FOXN3: variants seen among roughly 807,000 people sequenced by gnomAD.
FOXN3 encodes forkhead box protein N3.
In FOXN3, 7 loss-of-function variants were observed where a neutral mutation model predicts 38.4. That is an observed-to-expected ratio of 0.18 (90% CI 0.10 to 0.34). FOXN3 has a LOEUF of 0.34. Ranked by LOEUF, FOXN3 falls within the 10% of genes least tolerant of loss-of-function variation. The probability of loss-of-function intolerance (pLI) is 1.00; values close to 1 mark genes in which losing one functional copy is unlikely to be tolerated. For synonymous variants in FOXN3, 230 were observed against 242.2 expected (o/e 0.95, Z 0.47); for missense variants, 456 against 613.4 (o/e 0.74, Z 2.71).
chr14:89,525,445 C>T (rs564531542), intron 1 of FOXN3, among the ~76,000 whole-genome samples: 14 of 152,258 alleles, frequency 9.2e-5, no homozygotes, highest in African/African-American at 2.4e-4. Context: ...CTAGAAAGGA[C>T]AGGAACCCTC....
intron 3 of FOXN3, among the ~76,000 whole-genome samples, chr14:89,323,356 G>T (rs953532756): frequency 6.6e-6 from 1 of 151,902 alleles, no homozygotes; most frequent in Non-Finnish European, 1.5e-5. Flanking sequence ...ATTTTGAAGG[G>T]GTGGTTAGGG....
At chr14:89,569,838 C>G (rs1596320786) in intron 1 of FOXN3, among the ~76,000 whole-genome samples, 2 of 152,178 alleles carry the variant, frequency 1.3e-5, no homozygotes, top group Middle Eastern at 6.8e-3. Context: ...TTGGCCATCA[C>G]CCTGACTCCT....
rs1325423061 is a variant in FOXN3, at chr14:89,275,494, CCA to C, written c.745+5454_745+5455del. ...GGCTTGTCCAAGGTCACAAAGTTTACCAAGTGAAGGGTTGAGACCAGAACCCA... is the reference window on the plus strand; with the variant it reads ...GGCTTGTCCAAGGTCACAAAGTTTACAGTGAAGGGTTGAGACCAGAACCCA... On this transcript the variant is annotated intron_variant, in intron 4 of 5. Coordinates refer to ENST00000557258, the MANE Select transcript of FOXN3 (RefSeq NM_005197.4). Among the ~76,000 whole-genome samples, 3 of 152,268 alleles carry C rather than the reference CCA, an allele frequency of 2.0e-5. No individual in the cohort carries two copies. In the East Asian group the frequency reaches 5.8e-4, roughly 29 times the overall value.
chr14:89,278,955 G>C (rs752730453), intron 4 of FOXN3, among the ~76,000 whole-genome samples: 6 of 151,918 alleles, frequency 3.9e-5, no homozygotes, highest in Non-Finnish European at 5.9e-5. Context: ...TTGCTTGTGG[G>C]CCTTAGCAAC....
intron 1 of FOXN3, among the ~76,000 whole-genome samples, chr14:89,564,864 G>A (rs1037118838): frequency 3.9e-5 from 6 of 151,958 alleles, no homozygotes; most frequent in African/African-American, 9.7e-5. Flanking sequence ...AGGCCTTGAC[G>A]GGTGGATCAC....
intron 2 of FOXN3, among the ~76,000 whole-genome samples, chr14:89,371,958 C>G (rs1005274867): frequency 1.3e-5 from 2 of 152,154 alleles, no homozygotes; most frequent in Non-Finnish European, 2.9e-5. Flanking sequence ...CATCCTCATC[C>G]TGGGGGAGTG....
chr14:89,281,199 C>T (rs1247977066), intron 3 of FOXN3, among the ~76,000 whole-genome samples, 185 bp from the exon 4 acceptor site: 1 of 152,134 alleles, frequency 6.6e-6, no homozygotes, highest in Non-Finnish European at 1.5e-5. Flanking sequence ...CAGTGCAGAA[C>T]CTATCTGTGT....
At chr14:89,288,718 CTCTCTCTATATATATATATATATATA>C (rs1566947676) in intron 3 of FOXN3, among the ~76,000 whole-genome samples, 556 of 43,698 alleles carry the variant, frequency 0.013, 2 homozygotes, top group Non-Finnish European at 0.018. Context: ...CTCTCTCTCT[CTCTCTCTATATATATATATATATATA>C]TATATATATA....
intron 3 of FOXN3, among the ~76,000 whole-genome samples, chr14:89,281,917 T>C (rs755854339): frequency 1.8e-4 from 27 of 152,204 alleles, no homozygotes; most frequent in Admixed American, 5.9e-4. Context: ...ATCAATCACC[T>C]TCAATATGAG....
intron 3 of FOXN3, among the ~76,000 whole-genome samples, chr14:89,320,829 T>C (rs1596181345): frequency 6.6e-6 from 1 of 152,128 alleles, no homozygotes; most frequent in Non-Finnish European, 1.5e-5. Context: ...AAAAAAGCCT[T>C]AAAGTATTAA....
intron 1 of FOXN3, among the ~76,000 whole-genome samples, chr14:89,508,610 G>A (rs1379172765): frequency 6.6e-6 from 1 of 152,180 alleles, no homozygotes; most frequent in Non-Finnish European, 1.5e-5. Flanking sequence ...AGAAAACTGA[G>A]GCCAGCAGGC....
intron 3 of FOXN3, among the ~76,000 whole-genome samples, chr14:89,294,572 C>T (rs1033010806): frequency 4.6e-5 from 7 of 152,202 alleles, no homozygotes; most frequent in East Asian, 1.9e-4. Context: ...GACAGGAGGT[C>T]GGCACAAGAT....
chr14:89,343,835 T>C (rs1299641053), intron 3 of FOXN3, among the ~76,000 whole-genome samples: 1 of 152,128 alleles, frequency 6.6e-6, no homozygotes, highest in Non-Finnish European at 1.5e-5. Context: ...CAATCTCGGC[T>C]CACTGCAACC....
chr14:89,531,018 T>C (rs937926120), intron 1 of FOXN3, among the ~76,000 whole-genome samples: 3 of 147,702 alleles, frequency 2.0e-5, no homozygotes. Context: ...ACATATAATA[T>C]CTACACATAT....
intron 3 of FOXN3, among the ~76,000 whole-genome samples, chr14:89,306,942 G>A (rs1001279545): frequency 2.0e-5 from 3 of 152,186 alleles, no homozygotes; most frequent in Admixed American, 6.5e-5. Flanking sequence ...TTATGTGTAC[G>A]TCTATTTTGT....
chr14:89,170,303 A>G (rs1887354734), intron 5 of FOXN3, among the ~76,000 whole-genome samples: 1 of 152,240 alleles, frequency 6.6e-6, no homozygotes, highest in African/African-American at 2.4e-5. Flanking sequence ...TATGCAATTG[A>G]TCAAGCTGAC....
At chr14:89,547,081 G>A (rs774467271) in intron 1 of FOXN3, among the ~76,000 whole-genome samples, 22 of 152,168 alleles carry the variant, frequency 1.4e-4, no homozygotes, top group Non-Finnish European at 3.1e-4. Flanking sequence ...CACCACACCA[G>A]CCCTGACACT....
At chr14:89,317,030 T>C (rs533477016) in intron 3 of FOXN3, among the ~76,000 whole-genome samples, 3 of 152,198 alleles carry the variant, frequency 2.0e-5, no homozygotes, top group East Asian at 1.9e-4. Flanking sequence ...CTAACTCATA[T>C]AACATTCTAT....
At chr14:89,315,387 G>A (rs769975382) in intron 3 of FOXN3, among the ~76,000 whole-genome samples, 6 of 152,098 alleles carry the variant, frequency 3.9e-5, no homozygotes, top group East Asian at 3.9e-4. Context: ...TCGTTACAAC[G>A]AGGATGAAGC....
Sources: gnomAD v4.1 joint callset for allele counts (sites outside exome capture counted in the v4.1 genomes callset) on GRCh38, gnomAD v4.1.1 for gene constraint, MANE v1.5 for transcripts, NCBI Gene and HGNC (gene_info 2026-07-23, HGNC 2026-07-21) for gene names.